BMPER: variants seen among roughly 807,000 people sequenced by gnomAD.
The protein encoded by BMPER is BMP binding endothelial regulator, also known as BMP-binding endothelial regulator protein.
In BMPER, 45 loss-of-function variants were observed where a neutral mutation model predicts 87.3. The ratio of observed to expected loss-of-function variants is 0.52; its 90% confidence interval spans 0.41 to 0.66. BMPER has a LOEUF of 0.66. BMPER is among the 30% of genes least tolerant of loss of function. The pLI, the probability that BMPER is intolerant of heterozygous loss-of-function variation, is 0.00. For synonymous variants in BMPER, 326 were observed against 316.2 expected (o/e 1.03, Z -0.33); for missense variants, 784 against 867.5 (o/e 0.90, Z 1.21).
intron 6 of BMPER, among the ~76,000 whole-genome samples, chr7:34,013,473 A>G (rs557230610): frequency 7.2e-5 from 11 of 152,000 alleles, no homozygotes; most frequent in African/African-American, 2.7e-4. Context: ...TAAAATTTTA[A>G]TAGTGAGAGC....
chr7:34,101,198 A>C (rs2127982689), intron 13 of BMPER, among the ~76,000 whole-genome samples: 1 of 152,334 alleles, frequency 6.6e-6, no homozygotes, highest in South Asian at 2.1e-4. Flanking sequence ...AATTATCTAT[A>C]TTTTAATAGA....
rs2127997797 is a variant in BMPER, at chr7:34,154,550, AC to A, written c.*1278del. 1 of 152,344 alleles carries A rather than the reference AC, an allele frequency of 6.6e-6. No homozygotes were observed. The highest frequency in any genetic ancestry group is 1.9e-4 in the East Asian group (1 of 5,188). 9.4% of individuals were successfully genotyped at this position (152,344 alleles called of 1,614,324 possible). On this transcript the variant is annotated 3_prime_UTR_variant, in exon 15 of 15. Coordinates refer to ENST00000649409, the MANE Select transcript of BMPER (RefSeq NM_001365308.1). ...TTATACTTTACAATTAGTTGTATCA[AC>A]TTCAGATTCATTAAATTTTAACAGC... is the stretch of plus-strand genomic sequence containing the variant.
chr7:34,155,976 C>T lies in BMPER; in HGVS notation c.*2703C>T, dbSNP rs1284306618. 6.6e-6 allele frequency: 1 copy of T among 152,184 alleles called. No individual in the cohort carries two copies. The highest frequency in any genetic ancestry group is 1.5e-5 in the Non-Finnish European group (1 of 68,036). 9.4% of individuals were successfully genotyped at this position (152,184 alleles called of 1,614,324 possible). A position where few individuals can be genotyped will look rare whatever the true frequency, so the allele number is the denominator to read the frequency against. ...AAACTAAGTTCTTTCTTCTCTCCCT[C>T]TGTAAATAGGAATATTTGAGGGTCC... On this transcript the variant is annotated 3_prime_UTR_variant, in exon 15 of 15. Transcript: ENST00000649409.
intron 3 of BMPER, among the ~76,000 whole-genome samples, chr7:33,951,825 C>T (rs1414303735): frequency 6.6e-6 from 1 of 152,086 alleles, no homozygotes; most frequent in African/African-American, 2.4e-5. Flanking sequence ...GCAACTGTTC[C>T]TGGCCATGGT....
intron 13 of BMPER, among the ~76,000 whole-genome samples, chr7:34,105,884 C>CA (rs1789805388): frequency 6.6e-6 from 1 of 152,140 alleles, no homozygotes; most frequent in Admixed American, 6.5e-5. Flanking sequence ...CCCATTTTCC[C>CA]AAGGTGGCCC....
chr7:33,990,083 T>C (rs1280216205), intron 6 of BMPER, among the ~76,000 whole-genome samples: 1 of 151,712 alleles, frequency 6.6e-6, no homozygotes, highest in East Asian at 1.9e-4. Context: ...GGCTTAGGAT[T>C]GACTTGGCGA....
chr7:33,905,491 C>T, upstream of BMPER: 1 of 1,395,176 alleles, frequency 7.2e-7, no homozygotes, highest in Non-Finnish European at 9.6e-7. Context: ...GCGCCCGCCT[C>T]CCTCCTTCGC....
rs1183424656 is a variant in BMPER at position 34,153,906 on chromosome 7, A to C, written c.*633A>C. ...GGTTGCCAAGAAATATATATTTGTC[A>C]CTAGGGCATAACCGAAGAATCAAGT... is the stretch of plus-strand genomic sequence containing the variant. On this transcript the variant is annotated 3_prime_UTR_variant, in exon 15 of 15. Transcript: ENST00000649409. The C allele has an allele frequency of 1.3e-5, 2 of 155,690 alleles. No individual in the cohort carries two copies. The highest frequency in any genetic ancestry group is 6.3e-5 in the Admixed American group (1 of 15,958). The allele number at this position is 155,690 out of a possible 1,614,324, so 9.6% of individuals were successfully genotyped here. A position where few individuals can be genotyped will look rare whatever the true frequency, so the allele number is the denominator to read the frequency against.
Position 34,153,277 on chromosome 7 carries a change from T to C in BMPER, c.*4T>C, listed in dbSNP as rs1356160878. The C allele has an allele frequency of 6.2e-7, 1 of 1,613,856 alleles. No individual in the cohort carries two copies. Among genetic ancestry groups the C allele is most frequent in the East Asian group, 2.2e-5 (1 of 44,870 alleles). On this transcript the variant is annotated 3_prime_UTR_variant, in exon 15 of 15. Coordinates refer to ENST00000649409, the MANE Select transcript of BMPER (RefSeq NM_001365308.1). ...AGTCCTTTGTCCCCAGCGGTGACCT[T>C]TGTTTCGATCCTTAAGACTCTGAAA...
rs760250640 is a variant in BMPER, at chr7:33,909,633, G to T, written c.219+2730G>T. Among the ~76,000 whole-genome samples the T allele has an allele frequency of 4.2e-4, 61 of 145,242 alleles. No homozygotes were observed. The Middle Eastern group carries it at 0.016, about 37-fold the overall frequency. On this transcript the variant is annotated intron_variant, in intron 2 of 14. Transcript: ENST00000649409. ...TGTTGGTCCAGCCTTTTGGCAGAAA[G>T]GTACCTAAGGCTGAGTATAAGCTCA...
chr7:33,936,988 C>T (rs998279770), intron 2 of BMPER, among the ~76,000 whole-genome samples: 3 of 152,066 alleles, frequency 2.0e-5, no homozygotes, highest in Non-Finnish European at 2.9e-5. Context: ...TAAAAAGAAA[C>T]CTTAGAATCT....
chr7:34,078,292 T>C (rs992650938), intron 11 of BMPER, among the ~76,000 whole-genome samples: 5 of 152,224 alleles, frequency 3.3e-5, no homozygotes, highest in Middle Eastern at 3.2e-3. Context: ...ATTAGCAATT[T>C]GTTTCCTGAT....
intron 2 of BMPER, among the ~76,000 whole-genome samples, chr7:33,934,106 C>T (rs1467225019): frequency 1.3e-5 from 2 of 152,144 alleles, no homozygotes; most frequent in African/African-American, 2.4e-5. Flanking sequence ...TGAGGCAGCC[C>T]AGGGGGTGAG....
At chr7:34,142,553 G>A (rs1056005396) in intron 13 of BMPER, among the ~76,000 whole-genome samples, 1 of 152,154 alleles carries the variant, frequency 6.6e-6, no homozygotes, top group Admixed American at 6.5e-5. Flanking sequence ...CAGAGACCTT[G>A]ATTCAATTCT....
At chr7:34,077,022 G>C (rs931370842) in intron 11 of BMPER, among the ~76,000 whole-genome samples, 4 of 152,148 alleles carry the variant, frequency 2.6e-5, no homozygotes, top group African/African-American at 9.7e-5. Flanking sequence ...CTGGTCATCA[G>C]GTTACTATGT....
chr7:34,003,392 T>C (rs894209813), intron 6 of BMPER, among the ~76,000 whole-genome samples: 2 of 152,002 alleles, frequency 1.3e-5, no homozygotes, highest in African/African-American at 2.4e-5. Context: ...TCCTTTCTAC[T>C]ATTACTGTCA....
In BMPER at chr7:34,154,676, C is replaced by T. The variant is rs1424360954; in HGVS notation, c.*1403C>T. The stretch of plus-strand genomic sequence containing the variant: ...CGTTTTTGACAAGCCAGCATATTGC[C>T]AATGCTCGTCAAAGACATTTATGTT... On this transcript the variant is annotated 3_prime_UTR_variant, in exon 15 of 15. Coordinates refer to ENST00000649409, the MANE Select transcript of BMPER (RefSeq NM_001365308.1). The T allele has an allele frequency of 1.3e-5, 2 of 151,844 alleles. No individual in the cohort carries two copies. Among genetic ancestry groups the T allele is most frequent in the Non-Finnish European group, 2.9e-5 (2 of 68,012 alleles). The allele number at this position is 151,844 out of a possible 1,614,324, so 9.4% of individuals were successfully genotyped here.
chr7:34,148,694 A>G (rs760823691), intron 14 of BMPER, among the ~76,000 whole-genome samples: 26 of 152,176 alleles, frequency 1.7e-4, no homozygotes, highest in Non-Finnish European at 3.4e-4. Flanking sequence ...TTAATAGTAG[A>G]AAGGTAAGAT....
At chr7:34,071,503 G>C (rs1240818844) in intron 11 of BMPER, among the ~76,000 whole-genome samples, 3 of 152,218 alleles carry the variant, frequency 2.0e-5, no homozygotes, top group African/African-American at 7.2e-5. Context: ...GCTCCAAGGA[G>C]GCTTTAAAGC....
Sources: gnomAD v4.1 joint callset for allele counts (sites outside exome capture counted in the v4.1 genomes callset) on GRCh38, gnomAD v4.1.1 for gene constraint, MANE v1.5 for transcripts, NCBI Gene and HGNC (gene_info 2026-07-23, HGNC 2026-07-21) for gene names.